Variants in ATP8A2 observed in about 807,000 individuals in gnomAD.
ATP8A2 encodes the protein phospholipid-transporting ATPase IB.
ATP8A2 carries 100 observed loss-of-function variants against 165.6 expected under a neutral mutation model. The ratio of observed to expected loss-of-function variants is 0.60; its 90% CI spans 0.51 to 0.71. The LOEUF is 0.71. Among genes scored for constraint, ATP8A2 ranks in the 30% least tolerant of loss-of-function variants. The pLI is 0.00. For missense variants in ATP8A2, 1,227 were observed against 1,479.5 expected, an observed-to-expected ratio of 0.83 and a Z score of 2.80; for synonymous variants, 543 against 548.8, an observed-to-expected ratio of 0.99 and a Z score of 0.15.
intron 24 of ATP8A2, among the ~76,000 whole-genome samples, chr13:25,618,594 G>A (rs2040885764): frequency 6.6e-6 from 1 of 151,506 alleles, no homozygotes; most frequent in African/African-American, 2.4e-5. Context: ...CTCTGGAGCA[G>A]TGAAGAATTC....
At chr13:25,988,282 G>A (rs999020143) in intron 35 of ATP8A2, among the ~76,000 whole-genome samples, 1 of 152,220 alleles carries the variant, frequency 6.6e-6, no homozygotes. Flanking sequence ...GTGCGAAGAC[G>A]CTGGGCACCA....
At chr13:25,926,596 A>G (rs1954613899) in intron 33 of ATP8A2, among the ~76,000 whole-genome samples, 1 of 152,348 alleles carries the variant, frequency 6.6e-6, no homozygotes, top group Non-Finnish European at 1.5e-5. Flanking sequence ...AAATGAATGA[A>G]TGAAACATGC....
Position 25,523,333 on chromosome 13 carries a change from C to T in ATP8A2, c.222-6666C>T, listed in dbSNP as rs187957230. Among the ~76,000 whole-genome samples, 219 of 150,902 alleles carry T rather than the reference C, an allele frequency of 1.5e-3. 3 individuals are homozygous for T. The highest frequency in any genetic ancestry group is 4.2e-3 in the African/African-American group (173 of 41,128). ...CATTGCCCAGGCTGGAGTGCAGTGCCGCAATCTTGGCTCACTGCAACCTTG... is the reference window on the plus strand; with the variant it reads ...CATTGCCCAGGCTGGAGTGCAGTGCTGCAATCTTGGCTCACTGCAACCTTG... On this transcript the variant is annotated intron_variant, in intron 2 of 36. Coordinates refer to ENST00000381655, the MANE Select transcript of ATP8A2 (RefSeq NM_016529.6).
At chr13:25,923,823 C>A (rs899154465) in intron 33 of ATP8A2, among the ~76,000 whole-genome samples, 21 of 152,132 alleles carry the variant, frequency 1.4e-4, no homozygotes, top group African/African-American at 4.6e-4. Flanking sequence ...AATTTAAATT[C>A]TTTCTGGCTT....
chr13:26,008,859 G>C (rs1196564580), intron 35 of ATP8A2, among the ~76,000 whole-genome samples: 2 of 152,138 alleles, frequency 1.3e-5, no homozygotes, highest in Non-Finnish European at 2.9e-5. Flanking sequence ...TTTTGACCTT[G>C]TCAAATATGA....
intron 27 of ATP8A2, among the ~76,000 whole-genome samples, chr13:25,823,594 A>G (rs574626239): frequency 2.6e-4 from 40 of 152,228 alleles, no homozygotes; most frequent in Admixed American, 9.8e-4. Flanking sequence ...GGTATTGTGT[A>G]CTGCTAGAGA....
chr13:25,870,926 A>T (rs1288296293), intron 33 of ATP8A2, among the ~76,000 whole-genome samples: 2 of 152,246 alleles, frequency 1.3e-5, no homozygotes, highest in Admixed American at 6.5e-5. Flanking sequence ...TTTTTAAAGT[A>T]AAGCAGGTTT....
chr13:25,998,884 A>AT (rs2139314398), intron 35 of ATP8A2, among the ~76,000 whole-genome samples: 1 of 152,322 alleles, frequency 6.6e-6, no homozygotes, highest in South Asian at 2.1e-4. Flanking sequence ...ACTGCTCACA[A>AT]TATCTTCTGG....
intron 2 of ATP8A2, among the ~76,000 whole-genome samples, chr13:25,513,523 A>G (rs546930811): frequency 6.9e-4 from 102 of 146,790 alleles, no homozygotes; most frequent in African/African-American, 2.5e-3. Context: ...ATGGGCGGCC[A>G]GGAGAGACGC....
Position 25,839,643 on chromosome 13 carries a change from C to T in ATP8A2, c.2956+19C>T. The T allele has an allele frequency of 6.2e-7, 1 of 1,605,520 alleles. No individual in the cohort carries two copies. The highest frequency in any genetic ancestry group is 2.2e-5 in the East Asian group (1 of 44,822). ...GAGCATGGTAAGGGCTGTGTGATTT[C>T]ACCTGTCAGCAAGGAGCTTTGCAGC... On this transcript the variant is annotated intron_variant, in intron 30 of 36. Coordinates refer to ENST00000381655, the MANE Select transcript of ATP8A2 (RefSeq NM_016529.6).
Position 25,921,651 on chromosome 13 carries a change from G to A in ATP8A2, c.3184-39924G>A, listed in dbSNP as rs566801296. On this transcript the variant is annotated intron_variant, in intron 33 of 36. Transcript: ENST00000381655. The stretch of plus-strand genomic sequence containing the variant: ...AAAAAAAAAAAAAGAAAAAAACTGA[G>A]TTGAAGTTCATATTTTGTTCTACGT... Among the ~76,000 whole-genome samples, 8 of 151,344 alleles carry A rather than the reference G, an allele frequency of 5.3e-5. No homozygotes were observed. The East Asian group carries it at 1.4e-3, about 26-fold the overall frequency.
intron 25 of ATP8A2, among the ~76,000 whole-genome samples, chr13:25,700,942 A>T (rs1593219570): frequency 6.6e-6 from 1 of 152,276 alleles, no homozygotes; most frequent in East Asian, 1.9e-4. Context: ...TTTTCTGTTG[A>T]TTAATGATGT....
intron 2 of ATP8A2, among the ~76,000 whole-genome samples, chr13:25,476,139 C>A (rs925284436): frequency 6.6e-6 from 1 of 152,174 alleles, no homozygotes; most frequent in Non-Finnish European, 1.5e-5. Flanking sequence ...ATATGTGGTA[C>A]TAGATCCAAT....
chr13:25,848,778 G>A (rs144450902), intron 30 of ATP8A2, among the ~76,000 whole-genome samples: 11 of 152,186 alleles, frequency 7.2e-5, no homozygotes, highest in African/African-American at 1.7e-4. Flanking sequence ...TTTTTACGGG[G>A]AGGAAAAAAA....
At chr13:25,375,802 A>C (rs2032603335) in intron 1 of ATP8A2, among the ~76,000 whole-genome samples, 1 of 151,784 alleles carries the variant, frequency 6.6e-6, no homozygotes, top group African/African-American at 2.4e-5. Context: ...CGATCTCTTA[A>C]CCTCGTGATC....
At chr13:25,952,526 G>A (rs567630666) in intron 33 of ATP8A2, among the ~76,000 whole-genome samples, 11 of 152,040 alleles carry the variant, frequency 7.2e-5, no homozygotes, top group South Asian at 2.1e-4. Flanking sequence ...GACTACAAGC[G>A]CACTACCACA....
intron 35 of ATP8A2, among the ~76,000 whole-genome samples, chr13:25,975,384 T>C (rs1474805646): frequency 1.3e-5 from 2 of 151,846 alleles, no homozygotes; most frequent in African/African-American, 4.8e-5. Flanking sequence ...CCATCCATCC[T>C]GGCTAACACA....
chr13:25,675,936 A>T (rs1367661448), intron 24 of ATP8A2, among the ~76,000 whole-genome samples: 1 of 152,228 alleles, frequency 6.6e-6, no homozygotes, highest in Non-Finnish European at 1.5e-5. Context: ...TTACAATCAT[A>T]TATTAATAGA....
chr13:25,925,734 T>C (rs1032278532), intron 33 of ATP8A2, among the ~76,000 whole-genome samples: 3 of 151,514 alleles, frequency 2.0e-5, no homozygotes, highest in African/African-American at 7.2e-5. Context: ...GTCAATCTTT[T>C]TTTTTTTTTT....
Sources: allele counts gnomAD v4.1 joint callset (sites outside exome capture counted in the v4.1 genomes callset), GRCh38; gene constraint gnomAD v4.1.1; transcripts MANE v1.5; gene names NCBI Gene and HGNC (gene_info 2026-07-23, HGNC 2026-07-21).